The following DGKI variants were observed in gnomAD, a reference collection of about 807,000 sequenced individuals.
The protein encoded by DGKI is DAG kinase iota.
A neutral mutation model predicts 147.5 loss-of-function variants in DGKI; 55 were observed. That is an observed-to-expected ratio of 0.37 (90% CI 0.30 to 0.47). The LOEUF is 0.47. Ranked by LOEUF, DGKI falls within the 20% of genes least tolerant of loss-of-function variation. The pLI is 1.00. For missense variants in DGKI, 1,007 were observed against 1,323.8 expected, an observed-to-expected ratio of 0.76 and a Z score of 3.71; for synonymous variants, 469 against 477.1, an observed-to-expected ratio of 0.98 and a Z score of 0.22.
At chr7:137,549,991 T>C (rs1054152281) in intron 20 of DGKI, among the ~76,000 whole-genome samples, 6 of 152,200 alleles carry the variant, frequency 3.9e-5, no homozygotes, top group African/African-American at 1.4e-4. Context: ...CAAGTACTAA[T>C]AAAGATTTTT....
chr7:137,829,333 C>T (rs1453778304), intron 1 of DGKI, among the ~76,000 whole-genome samples: 1 of 152,224 alleles, frequency 6.6e-6, no homozygotes, highest in Non-Finnish European at 1.5e-5. Flanking sequence ...TTCCTAGTTA[C>T]ACCCTGAAAG....
At chr7:137,809,920 A>G (rs983347047) in intron 1 of DGKI, among the ~76,000 whole-genome samples, 1 of 152,048 alleles carries the variant, frequency 6.6e-6, no homozygotes, top group Non-Finnish European at 1.5e-5. Context: ...AAAAATCCAC[A>G]TAAGTTAAAA....
Position 137,733,706 on chromosome 7 carries a change from G to A in DGKI, c.402-43704C>T, listed in dbSNP as rs76694346. Among the ~76,000 whole-genome samples, 1,185 of 152,210 alleles carry A rather than the reference G, an allele frequency of 7.8e-3. 11 individuals are homozygous for A. The highest frequency in any genetic ancestry group is 0.027 in the African/African-American group (1,126 of 41,536). On this transcript the variant is annotated intron_variant, in intron 1 of 32. Coordinates refer to ENST00000614521, the MANE Select transcript of DGKI (RefSeq NM_001321708.2). The stretch of plus-strand genomic sequence containing the variant: ...AATGAACAATAAGTAAATCATGGGC[G>A]TGACAGAAGATGGTAAGTGCTATGC...
At chr7:137,666,396 C>T (rs1026063838) in intron 3 of DGKI, among the ~76,000 whole-genome samples, 3 of 152,132 alleles carry the variant, frequency 2.0e-5, no homozygotes, top group Admixed American at 2.0e-4. Flanking sequence ...TGGCAGAATT[C>T]TGTCTCTAAA....
rs577279499 is a variant in DGKI, at chr7:137,758,589, G to A, written c.402-68587C>T. ...TAATCCCAGCTACTCGGGAGGCTGA[G>A]GTAGGAGAACCACTTGAACCTGGGA... On this transcript the variant is annotated intron_variant, in intron 1 of 32. Coordinates refer to ENST00000614521, the MANE Select transcript of DGKI (RefSeq NM_001321708.2). Among the ~76,000 whole-genome samples the A allele has an allele frequency of 1.4e-3, 218 of 152,192 alleles. 1 individual carries two copies. Among genetic ancestry groups the A allele is most frequent in the Non-Finnish European group, 2.0e-3 (138 of 68,016 alleles).
At chr7:137,565,703 C>T (rs1563088290) in intron 19 of DGKI, among the ~76,000 whole-genome samples, 1 of 152,096 alleles carries the variant, frequency 6.6e-6, no homozygotes, top group Non-Finnish European at 1.5e-5. Flanking sequence ...GTTTAAATTA[C>T]TTAGAAACAA....
intron 1 of DGKI, among the ~76,000 whole-genome samples, chr7:137,820,175 G>A (rs977867207): frequency 1.3e-5 from 2 of 152,140 alleles, no homozygotes; most frequent in African/African-American, 4.8e-5. Flanking sequence ...TAGAAAAAAT[G>A]AGATACAGAG....
chr7:137,785,210 T>C (rs1420385547), intron 1 of DGKI, among the ~76,000 whole-genome samples: 1 of 151,694 alleles, frequency 6.6e-6, no homozygotes, highest in Non-Finnish European at 1.5e-5. Flanking sequence ...AAAATATAAA[T>C]AAAATTGATA....
chr7:137,809,581 A>G (rs1254905352), intron 1 of DGKI, among the ~76,000 whole-genome samples: 1 of 152,166 alleles, frequency 6.6e-6, no homozygotes. Context: ...AGAGAAAGGG[A>G]AATTCTCCAG....
At chr7:137,412,687 C>T (rs187902622) in intron 28 of DGKI, among the ~76,000 whole-genome samples, 1 of 152,200 alleles carries the variant, frequency 6.6e-6, no homozygotes, top group African/African-American at 2.4e-5. Flanking sequence ...CTACTTTGCC[C>T]TCTTGGGATT....
intron 1 of DGKI, among the ~76,000 whole-genome samples, chr7:137,791,542 G>C (rs1418472620): frequency 6.6e-6 from 1 of 152,196 alleles, no homozygotes; most frequent in African/African-American, 2.4e-5. Context: ...TTCAGGTAGA[G>C]CTATGTCCCT....
chr7:137,703,324 T>C (rs1824049450), intron 1 of DGKI, among the ~76,000 whole-genome samples: 2 of 152,316 alleles, frequency 1.3e-5, no homozygotes, highest in Middle Eastern at 3.4e-3. Context: ...CCAATCACCT[T>C]CCACCAGGCC....
At chr7:137,408,527 C>T (rs140123288) in intron 29 of DGKI, among the ~76,000 whole-genome samples, 4 of 152,272 alleles carry the variant, frequency 2.6e-5, no homozygotes, top group South Asian at 4.1e-4. Flanking sequence ...TAGACACATA[C>T]ACACGCATGC....
At chr7:137,626,322 GACACAC>G (rs111591226) in intron 6 of DGKI, among the ~76,000 whole-genome samples, 1,910 of 139,096 alleles carry the variant, frequency 0.014, 28 homozygotes, top group African/African-American at 0.034. Flanking sequence ...AAGTGCTTCT[GACACAC>G]ACACACACAC....
chr7:137,411,876 C>A (rs1452033243), intron 29 of DGKI, among the ~76,000 whole-genome samples: 1 of 152,124 alleles, frequency 6.6e-6, no homozygotes, highest in African/African-American at 2.4e-5. Context: ...CATTTCAATA[C>A]CTGCCTGAAA....
intron 3 of DGKI, among the ~76,000 whole-genome samples, chr7:137,670,463 C>A (rs921050400): frequency 6.6e-6 from 1 of 152,144 alleles, no homozygotes; most frequent in African/African-American, 2.4e-5. Flanking sequence ...TGCACGTGAA[C>A]GATCTCATGG....
At chr7:137,517,256 GAAAGAAAGAAAGAAAGAAAAGAA>G (rs1245023512) in intron 21 of DGKI, among the ~76,000 whole-genome samples, 1,151 of 98,536 alleles carry the variant, frequency 0.012, 14 homozygotes, top group African/African-American at 0.049. Context: ...AAAAGAAAAA[GAAAGAAAGAAAGAAAGAAAAGAA>G]AAAGAAAGAA....
chr7:137,642,357 A>T (rs1010956232), intron 6 of DGKI, among the ~76,000 whole-genome samples: 3 of 152,182 alleles, frequency 2.0e-5, no homozygotes, highest in Non-Finnish European at 4.4e-5. Context: ...GCTCCTGGGA[A>T]GGGGTCCTCT....
At chr7:137,632,014 G>A (rs996376174) in intron 6 of DGKI, among the ~76,000 whole-genome samples, 2 of 152,106 alleles carry the variant, frequency 1.3e-5, no homozygotes, top group Non-Finnish European at 2.9e-5. Flanking sequence ...CTTACAGATT[G>A]GGCACTCTGA....
Sources: allele counts gnomAD v4.1 joint callset (sites outside exome capture counted in the v4.1 genomes callset), GRCh38; gene constraint gnomAD v4.1.1; transcripts MANE v1.5; gene names NCBI Gene and HGNC (gene_info 2026-07-23, HGNC 2026-07-21).